Variants in ORAI2 observed in about 807,000 individuals in gnomAD.
The protein encoded by ORAI2 is protein orai-2.
In ORAI2, 10 loss-of-function variants were observed where a neutral mutation model predicts 16.2. The ratio of observed to expected loss-of-function variants is 0.62; its 90% CI spans 0.38 to 1.04. ORAI2 has a LOEUF of 1.04. Among genes scored for constraint, ORAI2 ranks in the 50% least tolerant of loss-of-function variants. ORAI2 has a pLI of 0.01. For missense variants in ORAI2, 238 were observed against 355.5 expected (o/e 0.67, Z 2.66); for synonymous variants, 150 against 157.5 (o/e 0.95, Z 0.35).
chr7:102,456,488 C>T lies in ORAI2; in HGVS notation c.*9436C>T, dbSNP rs1351540691. The T allele has an allele frequency of 1.3e-5, 2 of 152,208 alleles. No homozygotes were observed. The highest frequency in any genetic ancestry group is 2.9e-5 in the Non-Finnish European group (2 of 68,080). 9.4% of individuals were successfully genotyped at this position (152,208 alleles called of 1,614,324 possible). Reference sequence around the variant, plus strand: ...AGGCTGGCCTCAAGCAATCCTCCCACCTGAGCCCCGCAAAGTACTCGGATT... The same window carrying T: ...AGGCTGGCCTCAAGCAATCCTCCCATCTGAGCCCCGCAAAGTACTCGGATT... On this transcript the variant is annotated 3_prime_UTR_variant, in exon 4 of 4. Transcript: ENST00000495936.
At chr7:102,443,227 A>C (rs1797261900) in intron 3 of ORAI2, among the ~76,000 whole-genome samples, 1 of 147,936 alleles carries the variant, frequency 6.8e-6, no homozygotes, top group African/African-American at 2.5e-5. Flanking sequence ...AGCTTCCCAA[A>C]GTGCTGAGAT....
At position 102,446,921 on chromosome 7, in the gene ORAI2, G is replaced by A. The variant is rs759954382; in HGVS notation, c.634G>A (p.Val212Met). 5 of 1,612,816 alleles carry A rather than the reference G, an allele frequency of 3.1e-6. No homozygotes were observed. The highest frequency in any genetic ancestry group is 1.7e-5 in the Admixed American group (1 of 59,988). Residue 212 changes from valine to methionine, a missense_variant, in exon 4 of 4, where the codon GTG becomes ATG. Transcript: ENST00000495936. Reference protein sequence around the residue: ...IIMVPVGLIFVVFTIHFYRSL... With the variant: ...IIMVPVGLIFMVFTIHFYRSL... ...CATGGTGCCCGTGGGCCTCATCTTC[G>A]TGGTCTTCACCATCCACTTCTACCG...
Position 102,447,308 on chromosome 7 carries a change from G to A in ORAI2, c.*256G>A, listed in dbSNP as rs1321984959. 10 of 506,898 alleles carry A rather than the reference G, an allele frequency of 2.0e-5. No homozygotes were observed. The highest frequency in any genetic ancestry group is 1.1e-4 in the Admixed American group (3 of 26,788). The allele number at this position is 506,898 out of a possible 1,614,324, so 31.4% of individuals were successfully genotyped here. The stretch of plus-strand genomic sequence containing the variant: ...TCGGGGTTTCCTGGGTCGGGGACAC[G>A]GTGAAGAGGCTCCAGCGGGACCTGC... On this transcript the variant is annotated 3_prime_UTR_variant, in exon 4 of 4. Transcript: ENST00000495936.
chr7:102,449,168 T>A lies in ORAI2; in HGVS notation c.*2116T>A, dbSNP rs1357593229. 3.9e-5 allele frequency: 6 copies of A among 152,228 alleles called. No individual in the cohort carries two copies. The highest frequency in any genetic ancestry group is 8.8e-5 in the Non-Finnish European group (6 of 68,046). The allele number at this position is 152,228 out of a possible 1,614,324, so 9.4% of individuals were successfully genotyped here. A position where few individuals can be genotyped will look rare whatever the true frequency, so the allele number is the denominator to read the frequency against. On this transcript the variant is annotated 3_prime_UTR_variant, in exon 4 of 4. Transcript: ENST00000495936. ...TGAGGGGTTCGTCCTTTGTGTCCCC[T>A]GCAGACATTTGTCTGCGACCTTTGC...
chr7:102,441,532 G>C lies in ORAI2; in HGVS notation c.225+2351G>C, dbSNP rs958402850. 8.2e-5 allele frequency among the ~76,000 whole-genome samples: 11 copies of C among 134,056 alleles called. No individual in the cohort carries two copies. The Admixed American group carries it at 8.2e-4, about 10-fold the overall frequency. 87.9% of individuals were successfully genotyped at this position (134,056 alleles called of 152,430 possible). On this transcript the variant is annotated intron_variant, in intron 3 of 3. Coordinates refer to ENST00000495936, the MANE Select transcript of ORAI2 (RefSeq NM_001126340.3). ...CCAGCCTGGGCCATAGAGCGAGACTGCATCTCAAAAAAAAAAAAAAGAAAA... is the reference window on the plus strand; with the variant it reads ...CCAGCCTGGGCCATAGAGCGAGACTCCATCTCAAAAAAAAAAAAAAGAAAA...
Position 102,439,081 on chromosome 7 carries a change from AC to A in ORAI2, c.127del (p.His43ThrfsTer13), listed in dbSNP as rs892232831. On this transcript the variant is annotated frameshift_variant, in exon 3 of 4. Coordinates refer to ENST00000495936, the MANE Select transcript of ORAI2 (RefSeq NM_001126340.3). LOFTEE classifies it high-confidence loss of function. ...RSYLELVTSN[H>X]HSVQALSWRK... ...TACCTGGAACTGGTCACCTCTAACCACCACTCGGTACAGGCCCTGTCGTGGC... is the reference window on the plus strand; with the variant it reads ...TACCTGGAACTGGTCACCTCTAACCACACTCGGTACAGGCCCTGTCGTGGC... 1 of 1,613,836 alleles carries A rather than the reference AC, an allele frequency of 6.2e-7. No individual in the cohort carries two copies. Among genetic ancestry groups the A allele is most frequent in the Non-Finnish European group, 8.5e-7 (1 of 1,180,018 alleles).
At position 102,436,311 on chromosome 7, in the gene ORAI2, T is replaced by C. The variant is rs1007056378; in HGVS notation, c.-36T>C. The C allele has an allele frequency of 5.9e-5, 58 of 985,442 alleles. No homozygotes were observed. Among genetic ancestry groups the C allele is most frequent in the Non-Finnish European group, 6.6e-5 (55 of 829,992 alleles). The allele number at this position is 985,442 out of a possible 1,614,324, so 61.0% of individuals were successfully genotyped here. On this transcript the variant is annotated 5_prime_UTR_variant, in exon 2 of 4. Transcript: ENST00000495936. ...AAGGAGATGGGATGGAGAGCCTGAG[T>C]TGGCATTCGTATAAATGACCTGGTA... is the stretch of plus-strand genomic sequence containing the variant.
rs113783886 is a variant in ORAI2, at chr7:102,441,599, G to GT, written c.225+2428dup. ...GGCTCTTGCTATGTTGCCCAGGCTG[G>GT]TTTTTTTTTTCTTTAATTATTGTTA... On this transcript the variant is annotated intron_variant, in intron 3 of 3. Transcript: ENST00000495936. Among the ~76,000 whole-genome samples the GT allele has an allele frequency of 2.3e-3, 335 of 147,710 alleles. 1 individual carries two copies. The Middle Eastern group carries it at 0.032, about 14-fold the overall frequency.
chr7:102,452,043 G>A lies in ORAI2; in HGVS notation c.*4991G>A, dbSNP rs1797535284. 6.6e-6 allele frequency: 1 copy of A among 152,274 alleles called. No homozygotes were observed. Among genetic ancestry groups the A allele is most frequent in the South Asian group, 2.1e-4 (1 of 4,834 alleles). The allele number at this position is 152,274 out of a possible 1,614,324, so 9.4% of individuals were successfully genotyped here. On this transcript the variant is annotated 3_prime_UTR_variant, in exon 4 of 4. Coordinates refer to ENST00000495936, the MANE Select transcript of ORAI2 (RefSeq NM_001126340.3). Reference sequence around the variant, plus strand: ...AGCTACCAGAGCACTGGTCACCTCAGGACATTCTCCAGCCCCAAGTCCCTG... The same window carrying A: ...AGCTACCAGAGCACTGGTCACCTCAAGACATTCTCCAGCCCCAAGTCCCTG...
intron 3 of ORAI2, among the ~76,000 whole-genome samples, chr7:102,441,319 A>T (rs1037678605): frequency 6.0e-5 from 9 of 150,128 alleles, no homozygotes; most frequent in Non-Finnish European, 1.0e-4. Context: ...AGGTGGGCAG[A>T]TCACCTGGTC....
Position 102,447,652 on chromosome 7 carries a change from TG to T in ORAI2, c.*606del, listed in dbSNP as rs149175269. The T allele has an allele frequency of 0.071, 10,904 of 152,904 alleles. 427 individuals are homozygous for T. The highest frequency in any genetic ancestry group is 0.093 in the Non-Finnish European group (6,380 of 68,752). The allele number at this position is 152,904 out of a possible 1,614,324, so 9.5% of individuals were successfully genotyped here. A position where few individuals can be genotyped will look rare whatever the true frequency, so the allele number is the denominator to read the frequency against. On this transcript the variant is annotated 3_prime_UTR_variant, in exon 4 of 4. Coordinates refer to ENST00000495936, the MANE Select transcript of ORAI2 (RefSeq NM_001126340.3). The stretch of plus-strand genomic sequence containing the variant: ...AGGACACACGTCAGCCCAGCAGGTG[TG>T]GGGGGTGCTGCAGCCCTCGGCAGTG...
At chr7:102,441,524 G>A (rs1797198756) in intron 3 of ORAI2, among the ~76,000 whole-genome samples, 1 of 144,440 alleles carries the variant, frequency 6.9e-6, no homozygotes, top group Admixed American at 7.0e-5. Flanking sequence ...GGGCCATAGA[G>A]CGAGACTGCA....
chr7:102,445,833 TTTCTC>T (rs1797339149), intron 3 of ORAI2, among the ~76,000 whole-genome samples: 1 of 151,298 alleles, frequency 6.6e-6, no homozygotes, highest in Admixed American at 6.6e-5. Context: ...CTCCCTCCCT[TTTCTC>T]TTTCTTTTCT....
chr7:102,439,743 G>A (rs1418260144), intron 3 of ORAI2, among the ~76,000 whole-genome samples: 1 of 151,886 alleles, frequency 6.6e-6, no homozygotes, highest in African/African-American at 2.4e-5. Context: ...CAGCCTGGAC[G>A]TCAGAGTGAG....
chr7:102,434,648 T>C (rs1797015411), intron 1 of ORAI2: 1 of 152,590 alleles, frequency 6.6e-6, no homozygotes, highest in South Asian at 2.1e-4. Context: ...CGGCCAGCCA[T>C]TTCCCTGGGT....
In ORAI2 at chr7:102,447,018, TG is replaced by T; in HGVS notation, c.733del (p.Asp245ThrfsTer59). On this transcript the variant is annotated frameshift_variant, in exon 4 of 4. Coordinates refer to ENST00000495936, the MANE Select transcript of ORAI2 (RefSeq NM_001126340.3). LOFTEE classifies it high-confidence loss of function. ...IEELHKLKVQ[L>X]DGHERSLQVL ...GAGCTCCACAAGCTCAAGGTCCAGC[TG>T]GACGGGCATGAGCGCAGCCTGCAGG... 6.4e-7 allele frequency: 1 copy of T among 1,563,514 alleles called. No individual in the cohort carries two copies. The highest frequency in any genetic ancestry group is 1.4e-5 in the African/African-American group (1 of 73,826).
At chr7:102,441,400 C>T (rs1376259931) in intron 3 of ORAI2, among the ~76,000 whole-genome samples, 1 of 151,158 alleles carries the variant, frequency 6.6e-6, no homozygotes, top group Non-Finnish European at 1.5e-5. Flanking sequence ...ATTAGCTGGA[C>T]GTGGCGGCAG....
chr7:102,444,586 T>C (rs1472552621), intron 3 of ORAI2, among the ~76,000 whole-genome samples: 1 of 149,532 alleles, frequency 6.7e-6, no homozygotes, highest in Non-Finnish European at 1.5e-5. Flanking sequence ...GTTGTTTTTT[T>C]TTCTTTAAAC....
chr7:102,443,864 G>A (rs1296964682), intron 3 of ORAI2, among the ~76,000 whole-genome samples: 1 of 151,914 alleles, frequency 6.6e-6, no homozygotes, highest in Non-Finnish European at 1.5e-5. Flanking sequence ...CCACCACCAC[G>A]CCCAGCTAAT....
Sources: gnomAD v4.1 joint callset for allele counts (sites outside exome capture counted in the v4.1 genomes callset) on GRCh38, gnomAD v4.1.1 for gene constraint, MANE v1.5 for transcripts, NCBI Gene and HGNC (gene_info 2026-07-23, HGNC 2026-07-21) for gene names.